Variants in BECN1 observed in about 807,000 individuals in gnomAD.
BECN1 encodes the protein beclin-1.
In BECN1, 15 loss-of-function variants were observed where a neutral mutation model predicts 60.1. That is an observed-to-expected ratio of 0.25 (90% CI 0.17 to 0.38). The LOEUF (loss-of-function observed/expected upper bound fraction) is 0.38, where lower values mean the gene tolerates loss of function less well. Ranked by LOEUF, BECN1 falls within the 10% of genes least tolerant of loss-of-function variation. The pLI is 1.00. For synonymous variants in BECN1, 179 were observed against 201.8 expected (o/e 0.89, Z 0.96); for missense variants, 424 against 548.2 (o/e 0.77, Z 2.26).
intron 10 of BECN1, chr17:42,812,418 A>AG (rs1454533154): frequency 1.3e-5 from 2 of 150,752 alleles, no homozygotes; most frequent in Non-Finnish European, 2.9e-5. Context: ...AGAAAAGAAA[A>AG]AAAAATAAAA....
rs145789293 is a variant in BECN1, at chr17:42,811,957, A to G, written c.1042-160T>C. 1,391 of 839,132 alleles carry G rather than the reference A, an allele frequency of 1.7e-3. 24 individuals are homozygous for G. The East Asian group carries it at 0.029, about 18-fold the overall frequency. 52.0% of individuals were successfully genotyped at this position (839,132 alleles called of 1,614,324 possible). On this transcript the variant is annotated intron_variant, in intron 10 of 11. Coordinates refer to ENST00000590099, the MANE Select transcript of BECN1 (RefSeq NM_001313998.2). ...TCTTCCATAGATTTGAACAACTACA[A>G]TAAGCTTGGGCAAGTAACAATGCAC...
chr17:42,816,599 C>G (rs570383867), intron 7 of BECN1, among the ~76,000 whole-genome samples: 1 of 147,306 alleles, frequency 6.8e-6, no homozygotes, highest in South Asian at 2.2e-4. Context: ...TTGCAGTGAG[C>G]TATCACACCA....
intron 2 of BECN1, 108 bp from the exon 3 acceptor site, chr17:42,820,949 A>G (rs1159073658): frequency 2.1e-6 from 2 of 955,146 alleles, no homozygotes; most frequent in Non-Finnish European, 3.2e-6. Context: ...CCTCACCTCC[A>G]ATTTTTCTTA....
chr17:42,814,065 G>A (rs902637021), intron 9 of BECN1, 57 bp from the exon 10 acceptor site: 1 of 1,275,488 alleles, frequency 7.8e-7, no homozygotes. Context: ...GTGATTATTG[G>A]GAAGTTACAA....
In BECN1 at chr17:42,818,782, C is replaced by T. The variant is rs1713472830; in HGVS notation, c.351+5G>A. On this transcript the variant is annotated splice_donor_5th_base_variant and intron_variant, in intron 5 of 11. Transcript: ENST00000590099. ...CTGCTTGCCACCGGAATGGGGCCGA[C>T]TTGCCTTCAGTCTTCGGCTGAGGTT... is the stretch of plus-strand genomic sequence containing the variant. 1 of 1,614,032 alleles carries T rather than the reference C, an allele frequency of 6.2e-7. No individual in the cohort carries two copies. The highest frequency in any genetic ancestry group is 8.5e-7 in the Non-Finnish European group (1 of 1,180,008).
chr17:42,813,872 A>G (rs1456934981), intron 10 of BECN1, 76 bp downstream of exon 10: 13 of 1,114,000 alleles, frequency 1.2e-5, no homozygotes, highest in Non-Finnish European at 1.7e-5. Context: ...GAATGCCAAT[A>G]TCAAAGCAAA....
chr17:42,819,477 C>T, intron 4 of BECN1, 71 bp downstream of exon 4: 5 of 1,527,110 alleles, frequency 3.3e-6, no homozygotes, highest in Non-Finnish European at 2.7e-6. Flanking sequence ...GGCTCCAGGT[C>T]TCGATTCCTG....
At chr17:42,815,822 T>C (rs760427021) in intron 8 of BECN1, 86 bp downstream of exon 8, 34 of 1,550,958 alleles carry the variant, frequency 2.2e-5, no homozygotes, top group Admixed American at 8.4e-5. Context: ...CAGTCCCTCT[T>C]TTGTGGGAAG....
intron 7 of BECN1, among the ~76,000 whole-genome samples, chr17:42,816,871 G>C (rs2055158250): frequency 6.6e-6 from 1 of 152,188 alleles, no homozygotes; most frequent in South Asian, 2.1e-4. Flanking sequence ...TTGGGAGGCT[G>C]AGGTAGGAGA....
Position 42,810,927 on chromosome 17 carries a change from T to A in BECN1, c.1186A>T (p.Met396Leu). ...TCAATCTTGCCTTTCTCCACATCCA[T>A]CCTGCAGATGGACAGAGCAAAACTC... ...GETRFCLPYR[M>L]DVEKGKIEDT... Residue 396 changes from methionine to leucine, a missense_variant and splice_region_variant, in exon 12 of 12, where the codon ATG (methionine) becomes TTG (leucine). Physicochemically the swap from Met to Leu is conservative, Grantham distance 15 (BLOSUM62 2). Transcript: ENST00000590099. The A allele has an allele frequency of 6.2e-7, 1 of 1,606,340 alleles. No individual in the cohort carries two copies. Among genetic ancestry groups the A allele is most frequent in the African/African-American group, 1.3e-5 (1 of 74,744 alleles).
At chr17:42,813,864 A>G in intron 10 of BECN1, 84 bp downstream of exon 10, 1 of 989,192 alleles carries the variant, frequency 1.0e-6, no homozygotes, top group Non-Finnish European at 1.5e-6. Context: ...AATAAATTGA[A>G]TGCCAATATC....
chr17:42,814,781 T>C, intron 8 of BECN1, 108 bp from the exon 9 acceptor site: 1 of 1,383,254 alleles, frequency 7.2e-7, no homozygotes, highest in Non-Finnish European at 9.9e-7. Context: ...CAAGTCCATA[T>C]ATGCAAGCTG....
In BECN1 at chr17:42,810,415, A is replaced by C. The variant is rs2054969981; in HGVS notation, c.*345T>G. The C allele has an allele frequency of 6.0e-6, 1 of 165,778 alleles. No homozygotes were observed. Among genetic ancestry groups the C allele is most frequent in the Non-Finnish European group, 1.3e-5 (1 of 76,830 alleles). The allele number at this position is 165,778 out of a possible 1,614,324, so 10.3% of individuals were successfully genotyped here. A position where few individuals can be genotyped will look rare whatever the true frequency, so the allele number is the denominator to read the frequency against. Reference sequence around the variant, plus strand: ...CTATTTCATATTGTTAAGTGCAGGAAGTTGAGAGAGATAAAAATCCAGTGA... The same window carrying C: ...CTATTTCATATTGTTAAGTGCAGGACGTTGAGAGAGATAAAAATCCAGTGA... On this transcript the variant is annotated 3_prime_UTR_variant, in exon 12 of 12. Transcript: ENST00000590099.
chr17:42,815,378 G>C (rs773116461), intron 8 of BECN1, among the ~76,000 whole-genome samples: 6 of 152,006 alleles, frequency 3.9e-5, no homozygotes, highest in African/African-American at 1.4e-4. Context: ...CAGTTTAAAC[G>C]TAAGTCCCCT....
chr17:42,810,666 A>G lies in BECN1; in HGVS notation c.*94T>C. On this transcript the variant is annotated 3_prime_UTR_variant, in exon 12 of 12. Transcript: ENST00000590099. ...TTCTTTTTTGGTATTGTAAACATGTACTGTTTAATATTACCCGAATTTAAT... is the reference window on the plus strand; with the variant it reads ...TTCTTTTTTGGTATTGTAAACATGTGCTGTTTAATATTACCCGAATTTAAT... The G allele has an allele frequency of 7.6e-7, 1 of 1,318,548 alleles. No homozygotes were observed. The highest frequency in any genetic ancestry group is 2.4e-5 in the East Asian group (1 of 41,598). The allele number at this position is 1,318,548 out of a possible 1,614,324, so 81.7% of individuals were successfully genotyped here. A position where few individuals can be genotyped will look rare whatever the true frequency, so the allele number is the denominator to read the frequency against.
rs1345287331 is a variant in BECN1, at chr17:42,816,045, T to C, written c.693A>G (p.Arg231=). The C allele has an allele frequency of 6.3e-7, 1 of 1,592,926 alleles. No homozygotes were observed. Among genetic ancestry groups the C allele is most frequent in the East Asian group, 2.2e-5 (1 of 44,814 alleles). The change falls in exon 8 of 12, where the codon AGA becomes AGG. Residue 231 remains arginine, a synonymous_variant. Coordinates refer to ENST00000590099, the MANE Select transcript of BECN1 (RefSeq NM_001313998.2). ...RLDQEEAQYQ[R]EYSEFKRQQL... ...GCTGTCGTTTAAATTCACTGTATTC[T>C]CTCTGATACCTGTGAGCAGCCAAGG...
rs144403697 is a variant in BECN1, at chr17:42,815,777, G to A, written c.830+131C>T. The A allele has an allele frequency of 1.2e-4, 143 of 1,199,024 alleles. No homozygotes were observed. In the East Asian group the frequency reaches 3.3e-3, roughly 28 times the overall value. 74.3% of individuals were successfully genotyped at this position (1,199,024 alleles called of 1,614,324 possible). A position where few individuals can be genotyped will look rare whatever the true frequency, so the allele number is the denominator to read the frequency against. ...CCTACTGTGCCTATCCCATCACTATGAATGAAAGAAACCTAGTTGGGTGAA... is the reference window on the plus strand; with the variant it reads ...CCTACTGTGCCTATCCCATCACTATAAATGAAAGAAACCTAGTTGGGTGAA... On this transcript the variant is annotated intron_variant, in intron 8 of 11. Coordinates refer to ENST00000590099, the MANE Select transcript of BECN1 (RefSeq NM_001313998.2).
chr17:42,819,114 G>A (rs1567672639), intron 4 of BECN1: 2 of 544,306 alleles, frequency 3.7e-6, no homozygotes, highest in East Asian at 3.0e-5. Context: ...GGGAGAGGGA[G>A]CATAAAAAAT....
At chr17:42,817,497 T>C (rs1023030014) in intron 7 of BECN1, among the ~76,000 whole-genome samples, 1 of 152,222 alleles carries the variant, frequency 6.6e-6, no homozygotes. Context: ...ATGGACACTG[T>C]GTGTCCTCCA....
Sources: gnomAD v4.1 joint callset for allele counts (sites outside exome capture counted in the v4.1 genomes callset) on GRCh38, gnomAD v4.1.1 for gene constraint, MANE v1.5 for transcripts, NCBI Gene and HGNC (gene_info 2026-07-23, HGNC 2026-07-21) for gene names.